NRN1L: variants seen among roughly 807,000 people sequenced by gnomAD.
The protein encoded by NRN1L is neuritin-like protein.
A neutral mutation model predicts 8.8 loss-of-function variants in NRN1L; 12 were observed. That is an observed-to-expected ratio of 1.36 (90% CI 0.87 to 2.20). NRN1L has a LOEUF of 2.20. NRN1L is among the 30% of genes most tolerant of loss of function. NRN1L has a pLI of 0.00. For missense variants in NRN1L, 266 were observed against 232.4 expected (o/e 1.14, Z -0.94); for synonymous variants, 114 against 99.2 (o/e 1.15, Z -0.88).
Position 67,885,813 on chromosome 16 carries a change from G to A in NRN1L, c.171G>A (p.Gly57=), listed in dbSNP as rs780391880. Reference sequence around the variant, plus strand: ...TCGCCGAGTGTCTCATCCGCTTGGGGGACAGCATGGGCCGCGGAGGCGAGC... The same window carrying A: ...TCGCCGAGTGTCTCATCCGCTTGGGAGACAGCATGGGCCGCGGAGGCGAGC... ...QGFAECLIRL[G]DSMGRGGELE... Residue 57 remains glycine, a synonymous_variant, in exon 2 of 3, where the codon GGG becomes GGA. Coordinates refer to ENST00000339176, the MANE Select transcript of NRN1L (RefSeq NM_198443.2). 2 of 1,584,764 alleles carry A rather than the reference G, an allele frequency of 1.3e-6. No homozygotes were observed. Among genetic ancestry groups the A allele is most frequent in the South Asian group, 1.2e-5 (1 of 85,814 alleles).
intron 1 of NRN1L, 194 bp from the exon 2 acceptor site, chr16:67,885,528 G>A: frequency 1.7e-6 from 1 of 574,110 alleles, no homozygotes; most frequent in Middle Eastern, 4.7e-4. Flanking sequence ...ACAAATCCCA[G>A]TCTGGGTCCT....
chr16:67,885,716 T>G lies in NRN1L; in HGVS notation c.80-6T>G. On this transcript the variant is annotated splice_polypyrimidine_tract_variant and splice_region_variant and intron_variant, in intron 1 of 2. Transcript: ENST00000339176. The stretch of plus-strand genomic sequence containing the variant: ...CTTCCCCACCCCACCCCCGCCCCAC[T>G]TCTAGTCCTTTTACCTCCCCTGGCA... 1.2e-5 allele frequency: 7 copies of G among 568,884 alleles called. No homozygotes were observed. Among genetic ancestry groups the G allele is most frequent in the African/African-American group, 2.4e-5 (1 of 41,294 alleles). The allele number at this position is 568,884 out of a possible 1,614,324, so 35.2% of individuals were successfully genotyped here.
chr16:67,885,374 A>G, intron 1 of NRN1L: 1 of 464,468 alleles, frequency 2.2e-6, no homozygotes, highest in South Asian at 2.7e-5. Context: ...AGAGAGATGC[A>G]CCTGCTCCTG....
chr16:67,887,908 C>T (rs2058101683), downstream of NRN1L, among the ~76,000 whole-genome samples: 1 of 152,186 alleles, frequency 6.6e-6, no homozygotes, highest in Non-Finnish European at 1.5e-5. Context: ...TTGAAAAACT[C>T]AGCCAGGCAT....
intron 1 of NRN1L, chr16:67,885,406 C>A: frequency 4.2e-6 from 2 of 473,544 alleles, no homozygotes; most frequent in South Asian, 2.7e-5. Context: ...CTGGACCTCC[C>A]TCCCCTCCAC....
At chr16:67,885,026 C>T (rs894995126) in intron 1 of NRN1L, 44 bp downstream of exon 1, 11 of 1,536,032 alleles carry the variant, frequency 7.2e-6, no homozygotes, top group Non-Finnish European at 9.8e-6. Context: ...CCCTTCTCGC[C>T]CAGCCAAGCC....
rs746933909 is a variant in NRN1L, at chr16:67,884,936, C to CCGGCAACCACCCCATG, written c.35_50dup (p.Leu18AlafsTer31). 7 of 1,607,588 alleles carry CCGGCAACCACCCCATG rather than the reference C, an allele frequency of 4.4e-6. No individual in the cohort carries two copies. The East Asian group carries it at 1.6e-4, about 36-fold the overall frequency. ...GCTGCTGCCGCCGCCGCTGCTGCTG[C>CCGGCAACCACCCCATG]CGGCAACCACCCCATGCCCTGAGGC... On this transcript the variant is annotated frameshift_variant, in exon 1 of 3. Transcript: ENST00000339176. LOFTEE classifies it high-confidence loss of function. The surrounding 1 kb of genome is among the most constrained non-coding windows in gnomAD (Gnocchi z 4.1).
Position 67,885,706 on chromosome 16 carries a change from C to T in NRN1L, c.80-16C>T. 3 of 1,377,788 alleles carry T rather than the reference C, an allele frequency of 2.2e-6. No individual in the cohort carries two copies. Among genetic ancestry groups the T allele is most frequent in the Non-Finnish European group, 3.0e-6 (3 of 995,108 alleles). The allele number at this position is 1,377,788 out of a possible 1,614,324, so 85.3% of individuals were successfully genotyped here. A position where few individuals can be genotyped will look rare whatever the true frequency, so the allele number is the denominator to read the frequency against. ...TCTACCATTCCTTCCCCACCCCACC[C>T]CCGCCCCACTTCTAGTCCTTTTACC... On this transcript the variant is annotated splice_polypyrimidine_tract_variant and intron_variant, in intron 1 of 2. Transcript: ENST00000339176.
rs1356975549 is a variant in NRN1L at position 67,884,951 on chromosome 16, T to C, written c.48T>C (p.His16=). 1.9e-6 allele frequency: 3 copies of C among 1,608,194 alleles called. No individual in the cohort carries two copies. The Admixed American group carries it at 5.0e-5, about 27-fold the overall frequency. ...GCTGCTGCTGCCGGCAACCACCCCATGCCCTGAGGCCGTTGCTGTTGCTGC... is the reference window on the plus strand; with the variant it reads ...GCTGCTGCTGCCGGCAACCACCCCACGCCCTGAGGCCGTTGCTGTTGCTGC... ...RRRCCCRQPP[H]ALRPLLLLPL... Residue 16 remains histidine, a synonymous_variant, in exon 1 of 3, where the codon CAT becomes CAC. Transcript: ENST00000339176. The surrounding 1 kb of genome is among the most constrained non-coding windows in gnomAD (Gnocchi z 4.1).
chr16:67,887,565 T>G (rs1319467289), downstream of NRN1L, among the ~76,000 whole-genome samples: 1 of 151,446 alleles, frequency 6.6e-6, no homozygotes, highest in Non-Finnish European at 1.5e-5. Flanking sequence ...CCACCATGTT[T>G]GGCCTTATTC....
intron 1 of NRN1L, 44 bp from the exon 2 acceptor site, chr16:67,885,678 C>A (rs1336731104): frequency 4.1e-6 from 6 of 1,459,094 alleles, no homozygotes; most frequent in South Asian, 1.4e-5. Flanking sequence ...CTGGCTCATC[C>A]TATCTACCAT....
rs1249094126 is a variant in NRN1L at position 67,886,110 on chromosome 16, G to A, written c.349G>A (p.Ala117Thr). The change falls in exon 3 of 3, where the codon GCC becomes ACC. Residue 117 changes from alanine to threonine, a missense_variant. By Grantham distance (58) the Ala-to-Thr change is moderately conservative. Coordinates refer to ENST00000339176, the MANE Select transcript of NRN1L (RefSeq NM_198443.2). Reference protein sequence around the residue: ...RPNNLHTLCGAPVHVRERGTG... With the variant: ...RPNNLHTLCGTPVHVRERGTG... ...GAATAACTTGCACACTCTGTGCGGT[G>A]CCCCGGTGCATGTTCGGGAGCGCGG... 1 of 1,613,064 alleles carries A rather than the reference G, an allele frequency of 6.2e-7. No homozygotes were observed. The highest frequency in any genetic ancestry group is 8.5e-7 in the Non-Finnish European group (1 of 1,179,750).
chr16:67,885,065 T>C (rs2058089676), intron 1 of NRN1L, 83 bp downstream of exon 1: 1 of 1,177,930 alleles, frequency 8.5e-7, no homozygotes, highest in African/African-American at 1.5e-5. Flanking sequence ...GTGGGAACGC[T>C]GGGTGCCAGG....
At chr16:67,885,693 T>TCCCCCCCCCCCCCCCCC in intron 1 of NRN1L, 29 bp from the exon 2 acceptor site, 52 of 1,257,162 alleles carry the variant, frequency 4.1e-5, no homozygotes, top group Non-Finnish European at 4.8e-5. Context: ...TACCATTCCT[T>TCCCCCCCCCCCCCCCCC]CCCCACCCCA....
At chr16:67,885,693 T>TGCCCCCCC in intron 1 of NRN1L, 29 bp from the exon 2 acceptor site, 15 of 1,257,198 alleles carry the variant, frequency 1.2e-5, no homozygotes, top group African/African-American at 1.5e-5. Flanking sequence ...TACCATTCCT[T>TGCCCCCCC]CCCCACCCCA....
rs1383346766 is a variant in NRN1L at position 67,884,939 on chromosome 16, G to T, written c.36G>T (p.Arg12=). Residue 12 remains arginine (R), a synonymous_variant, in exon 1 of 3, where the codon CGG becomes CGT. Coordinates refer to ENST00000339176, the MANE Select transcript of NRN1L (RefSeq NM_198443.2). The surrounding 1 kb of genome is among the most constrained non-coding windows in gnomAD (Gnocchi z 4.1). ...MRCCRRRCCC[R]QPPHALRPLL... is the part of the protein sequence containing the mutation. Reference sequence around the variant, plus strand: ...GCTGCCGCCGCCGCTGCTGCTGCCGGCAACCACCCCATGCCCTGAGGCCGT... The same window carrying T: ...GCTGCCGCCGCCGCTGCTGCTGCCGTCAACCACCCCATGCCCTGAGGCCGT... 1.9e-6 allele frequency: 3 copies of T among 1,607,628 alleles called. No homozygotes were observed. The highest frequency in any genetic ancestry group is 2.2e-5 in the South Asian group (2 of 91,058).
chr16:67,884,993 G>GCATCC lies in NRN1L; in HGVS notation c.79+12_79+16dup. The GCATCC allele has an allele frequency of 6.2e-7, 1 of 1,603,876 alleles. No individual in the cohort carries two copies. ...TGTTGCTGCCCCTCGGTGAGTGCGG[G>GCATCC]CATCCGGGGCCCGGGCCACACCCCC... On this transcript the variant is annotated intron_variant, in intron 1 of 2. Coordinates refer to ENST00000339176, the MANE Select transcript of NRN1L (RefSeq NM_198443.2). The surrounding 1 kb of genome is among the most constrained non-coding windows in gnomAD (Gnocchi z 4.1).
Position 67,886,069 on chromosome 16 carries a change from G to T in NRN1L, c.308G>T (p.Arg103Leu). ...AVWESLQQEARQAPRPNNLHT... is the reference protein window; with the variant it reads ...AVWESLQQEALQAPRPNNLHT... ...TGGGAATCACTACAGCAAGAAGCTC[G>T]CCAGGCCCCCCGTCCGAATAACTTG... is the stretch of plus-strand genomic sequence containing the variant. Residue 103 changes from arginine (R) to leucine (L), a missense_variant, in exon 3 of 3, where the codon CGC becomes CTC. Transcript: ENST00000339176. The T allele has an allele frequency of 1.2e-6, 2 of 1,613,640 alleles. No homozygotes were observed. The highest frequency in any genetic ancestry group is 8.5e-7 in the Non-Finnish European group (1 of 1,179,836).
Position 67,885,713 on chromosome 16 carries a change from C to CCCCAAAAA in NRN1L, c.80-9_80-8insCCCAAAAA. 1 of 1,509,804 alleles carries CCCCAAAAA rather than the reference C, an allele frequency of 6.6e-7. No individual in the cohort carries two copies. Among genetic ancestry groups the CCCCAAAAA allele is most frequent in the Non-Finnish European group, 9.1e-7 (1 of 1,104,172 alleles). 93.5% of individuals were successfully genotyped at this position (1,509,804 alleles called of 1,614,324 possible). A position where few individuals can be genotyped will look rare whatever the true frequency, so the allele number is the denominator to read the frequency against. The stretch of plus-strand genomic sequence containing the variant: ...TTCCTTCCCCACCCCACCCCCGCCC[C>CCCCAAAAA]ACTTCTAGTCCTTTTACCTCCCCTG... On this transcript the variant is annotated splice_polypyrimidine_tract_variant and intron_variant, in intron 1 of 2. Transcript: ENST00000339176.
Sources: gnomAD v4.1 joint callset for allele counts (sites outside exome capture counted in the v4.1 genomes callset) on GRCh38, gnomAD v4.1.1 for gene constraint, Gnocchi (gnomAD v3.1) non-coding constraint, MANE v1.5 for transcripts, NCBI Gene and HGNC (gene_info 2026-07-23, HGNC 2026-07-21) for gene names.